Variants in WNT9A observed in about 807,000 individuals in gnomAD.
WNT9A encodes the protein protein Wnt-9a.
Under a neutral mutation model 31.4 loss-of-function variants are expected in WNT9A, and 8 were observed. The ratio of observed to expected loss-of-function variants is 0.26; its 90% confidence interval spans 0.15 to 0.46. WNT9A has a LOEUF of 0.46. Ranked by LOEUF, WNT9A falls within the 20% of genes least tolerant of loss-of-function variation. WNT9A has a pLI of 0.99. For synonymous variants in WNT9A, 236 were observed against 220.1 expected (o/e 1.07, Z -0.64); for missense variants, 457 against 522.9 (o/e 0.87, Z 1.23).
At chr1:227,935,202 C>T (rs1666573699) in intron 1 of WNT9A, among the ~76,000 whole-genome samples, 1 of 150,990 alleles carries the variant, frequency 6.6e-6, no homozygotes. Flanking sequence ...CTCAGGTTGC[C>T]AAGCAGACCC....
chr1:227,925,868 T>C lies in WNT9A; in HGVS notation c.96-349A>G, dbSNP rs1417346237. ...GCAAGAGGACAGCCCCGCCTAGGGC[T>C]GTGGGCAGGGAGGAGGCTCCGGAGC... On this transcript the variant is annotated intron_variant, in intron 1 of 3. Transcript: ENST00000272164. The surrounding 1 kb of genome is among the most constrained non-coding windows in gnomAD (Gnocchi z 6.0). 1.3e-5 allele frequency among the ~76,000 whole-genome samples: 2 copies of C among 152,062 alleles called. No homozygotes were observed. Among genetic ancestry groups the C allele is most frequent in the African/African-American group, 4.8e-5 (2 of 41,420 alleles).
Position 227,919,160 on chromosome 1 carries a change from C to T in WNT9A, c.*2358G>A, listed in dbSNP as rs1443266088. The T allele has an allele frequency of 6.6e-6, 1 of 152,258 alleles. No individual in the cohort carries two copies. Among genetic ancestry groups the T allele is most frequent in the African/African-American group, 2.4e-5 (1 of 41,474 alleles). 9.4% of individuals were successfully genotyped at this position (152,258 alleles called of 1,614,324 possible). ...ATTAAAAATAAAAACCTTCCTCTGA[C>T]TTGACGCCCTTCATAGACCCAATAG... On this transcript the variant is annotated 3_prime_UTR_variant, in exon 4 of 4. Coordinates refer to ENST00000272164, the MANE Select transcript of WNT9A (RefSeq NM_003395.4).
Position 227,925,253 on chromosome 1 carries a change from C to T in WNT9A, c.352+10G>A, listed in dbSNP as rs1224054139. On this transcript the variant is annotated intron_variant, in intron 2 of 3. Transcript: ENST00000272164. This position sits in a 1 kb window ranked among gnomAD's most constrained non-coding sequence, Gnocchi z 6.0. ...GGGGCCTTCCTGAGGGCCAGGCCGG[C>T]CACACTCACCTCGCTTGAGCAGGCT... 4 of 1,537,462 alleles carry T rather than the reference C, an allele frequency of 2.6e-6. No homozygotes were observed. The African/African-American group carries it at 4.1e-5, about 16-fold the overall frequency.
intron 1 of WNT9A, among the ~76,000 whole-genome samples, chr1:227,929,572 G>A (rs537155981): frequency 1.3e-5 from 2 of 152,184 alleles, no homozygotes; most frequent in African/African-American, 2.4e-5. Flanking sequence ...GATGGCTCAC[G>A]CATGTAAACC....
In WNT9A at chr1:227,921,449, A is replaced by G; in HGVS notation, c.*69T>C. ...TCGAGCCCAGGAACTCAGCCTGTGCAGGTGTAGACCCTTCACACCGTGTGC... is the reference window on the plus strand; with the variant it reads ...TCGAGCCCAGGAACTCAGCCTGTGCGGGTGTAGACCCTTCACACCGTGTGC... On this transcript the variant is annotated 3_prime_UTR_variant, in exon 4 of 4. Coordinates refer to ENST00000272164, the MANE Select transcript of WNT9A (RefSeq NM_003395.4). The G allele has an allele frequency of 6.5e-7, 1 of 1,540,896 alleles. No individual in the cohort carries two copies. The highest frequency in any genetic ancestry group is 8.8e-7 in the Non-Finnish European group (1 of 1,142,264).
rs1430017380 is a variant in WNT9A at position 227,926,048 on chromosome 1, T to C, written c.96-529A>G. 1.3e-5 allele frequency among the ~76,000 whole-genome samples: 2 copies of C among 152,056 alleles called. No homozygotes were observed. Among genetic ancestry groups the C allele is most frequent in the East Asian group, 3.9e-4 (2 of 5,166 alleles). On this transcript the variant is annotated intron_variant, in intron 1 of 3. Transcript: ENST00000272164. The surrounding 1 kb of genome is among the most constrained non-coding windows in gnomAD (Gnocchi z 5.0). ...GTGGCCCCCTGCAGCTTCCCAGCAC[T>C]CCTGCAGTCTACGCATATGTCCCCA...
At chr1:227,927,368 G>A (rs535958345) in intron 1 of WNT9A, among the ~76,000 whole-genome samples, 10 of 152,318 alleles carry the variant, frequency 6.6e-5, no homozygotes, top group African/African-American at 2.4e-4. Context: ...TGGGCCCCAT[G>A]GGGAGGACAG....
Position 227,921,264 on chromosome 1 carries a change from G to A in WNT9A, c.*254C>T, listed in dbSNP as rs552463586. 5.6e-6 allele frequency: 3 copies of A among 538,338 alleles called. No homozygotes were observed. In the South Asian group the frequency reaches 8.2e-5, roughly 15 times the overall value. 33.3% of individuals were successfully genotyped at this position (538,338 alleles called of 1,614,324 possible). A position where few individuals can be genotyped will look rare whatever the true frequency, so the allele number is the denominator to read the frequency against. On this transcript the variant is annotated 3_prime_UTR_variant, in exon 4 of 4. Transcript: ENST00000272164. ...CAGGGATTCAGCCTTGGCAGGTGTA[G>A]GCCCATTCATGCTCTGTGCAATGCC...
intron 1 of WNT9A, among the ~76,000 whole-genome samples, chr1:227,938,568 C>T (rs764558370): frequency 1.7e-4 from 26 of 152,132 alleles, no homozygotes; most frequent in African/African-American, 5.3e-4. Flanking sequence ...TAGAGATGCA[C>T]GCATACGCAC....
At position 227,925,624 on chromosome 1, in the gene WNT9A, G is replaced by C. The variant is rs916569317; in HGVS notation, c.96-105C>G. Reference sequence around the variant, plus strand: ...ACAGGGGACAGGCGTGTCCATCCGGGGGTGAGGGGGCAGAAAGAATCCAGG... The same window carrying C: ...ACAGGGGACAGGCGTGTCCATCCGGCGGTGAGGGGGCAGAAAGAATCCAGG... On this transcript the variant is annotated intron_variant, in intron 1 of 3. Coordinates refer to ENST00000272164, the MANE Select transcript of WNT9A (RefSeq NM_003395.4). The surrounding 1 kb of genome is among the most constrained non-coding windows in gnomAD (Gnocchi z 6.0). The C allele has an allele frequency of 6.4e-6, 9 of 1,412,636 alleles. No homozygotes were observed. In the African/African-American group the frequency reaches 1.2e-4, roughly 18 times the overall value. 87.5% of individuals were successfully genotyped at this position (1,412,636 alleles called of 1,614,324 possible).
intron 1 of WNT9A, among the ~76,000 whole-genome samples, chr1:227,927,702 A>G (rs1666442526): frequency 6.6e-6 from 1 of 152,096 alleles, no homozygotes. Context: ...GGAACGCCAC[A>G]GCTGTGACCA....
rs1258242966 is a variant in WNT9A at position 227,925,824 on chromosome 1, C to T, written c.96-305G>A. On this transcript the variant is annotated intron_variant, in intron 1 of 3. Transcript: ENST00000272164. The surrounding 1 kb of genome is among the most constrained non-coding windows in gnomAD (Gnocchi z 6.0). ...GGCTGCACTGGACAGATAAGACCCC[C>T]ACAACACACACAACATACGCAAGAG... Among the ~76,000 whole-genome samples the T allele has an allele frequency of 6.6e-6, 1 of 152,128 alleles. No homozygotes were observed. Among genetic ancestry groups the T allele is most frequent in the African/African-American group, 2.4e-5 (1 of 41,430 alleles).
chr1:227,939,445 G>A (rs1166812607), intron 1 of WNT9A, among the ~76,000 whole-genome samples: 1 of 152,152 alleles, frequency 6.6e-6, no homozygotes, highest in Non-Finnish European at 1.5e-5. Flanking sequence ...TTGGGGATTG[G>A]GCCACCCTGG....
rs1481537011 is a variant in WNT9A, at chr1:227,947,839, G to A, written c.49C>T (p.Leu17=). 84 of 1,090,120 alleles carry A rather than the reference G, an allele frequency of 7.7e-5. No homozygotes were observed. The highest frequency in any genetic ancestry group is 8.7e-5 in the Non-Finnish European group (78 of 898,496). 67.5% of individuals were successfully genotyped at this position (1,090,120 alleles called of 1,614,324 possible). Residue 17 remains leucine, a synonymous_variant, in exon 1 of 4, where the codon CTG becomes TTG. Coordinates refer to ENST00000272164, the MANE Select transcript of WNT9A (RefSeq NM_003395.4). ...CGCAGCGCGGCGAGCAGCAGCGTCA[G>A]CCCGAAGGCCGCGGCCAGCCAGCGC... ...LARWLAAAFG[L]TLLLAALRPS...
intron 1 of WNT9A, among the ~76,000 whole-genome samples, chr1:227,937,980 C>G (rs983674300): frequency 1.3e-5 from 2 of 152,196 alleles, no homozygotes; most frequent in Non-Finnish European, 2.9e-5. Flanking sequence ...TCAGCGCACA[C>G]GTGGTGGCTG....
Position 227,924,435 on chromosome 1 carries a change from C to A in WNT9A, c.353-35G>T, listed in dbSNP as rs1175709181. 4.4e-6 allele frequency: 7 copies of A among 1,592,150 alleles called. No individual in the cohort carries two copies. In the South Asian group the frequency reaches 4.5e-5, roughly 10 times the overall value. On this transcript the variant is annotated intron_variant, in intron 2 of 3. Coordinates refer to ENST00000272164, the MANE Select transcript of WNT9A (RefSeq NM_003395.4). ...GCAAGGGCCGATCAGTGAGCCCAGG[C>A]TGCCCAGAGTTCCCCCTTCACTGTC...
Position 227,925,156 on chromosome 1 carries a change from C to T in WNT9A, c.352+107G>A, listed in dbSNP as rs1666394445. 7.8e-6 allele frequency: 11 copies of T among 1,409,360 alleles called. No individual in the cohort carries two copies. The South Asian group carries it at 1.7e-4, about 21-fold the overall frequency. The allele number at this position is 1,409,360 out of a possible 1,614,324, so 87.3% of individuals were successfully genotyped here. A position where few individuals can be genotyped will look rare whatever the true frequency, so the allele number is the denominator to read the frequency against. On this transcript the variant is annotated intron_variant, in intron 2 of 3. Coordinates refer to ENST00000272164, the MANE Select transcript of WNT9A (RefSeq NM_003395.4). This position sits in a 1 kb window ranked among gnomAD's most constrained non-coding sequence, Gnocchi z 6.0. Reference sequence around the variant, plus strand: ...CCCAGGAGCTCTGGGCAGGCTGGGCCCGGCGTCCCCAGGAGCGCAGCCTAA... The same window carrying T: ...CCCAGGAGCTCTGGGCAGGCTGGGCTCGGCGTCCCCAGGAGCGCAGCCTAA...
At chr1:227,939,509 T>C (rs1666656350) in intron 1 of WNT9A, among the ~76,000 whole-genome samples, 1 of 152,118 alleles carries the variant, frequency 6.6e-6, no homozygotes, top group African/African-American at 2.4e-5. Context: ...AAACGGGCCT[T>C]GTCCCCAGAG....
chr1:227,921,139 G>C lies in WNT9A; in HGVS notation c.*379C>G. ...ACCATGTGCAATGCCTGCACTCTGA[G>C]CAGCAGGGCTGACTGGGCCCAGGGC... On this transcript the variant is annotated 3_prime_UTR_variant, in exon 4 of 4. Transcript: ENST00000272164. 4.0e-6 allele frequency: 1 copy of C among 248,736 alleles called. No homozygotes were observed. Among genetic ancestry groups the C allele is most frequent in the South Asian group, 8.1e-5 (1 of 12,336 alleles). The allele number at this position is 248,736 out of a possible 1,614,324, so 15.4% of individuals were successfully genotyped here.
Sources: gnomAD v4.1 joint callset for allele counts (sites outside exome capture counted in the v4.1 genomes callset) on GRCh38, gnomAD v4.1.1 for gene constraint, Gnocchi (gnomAD v3.1) non-coding constraint, MANE v1.5 for transcripts, NCBI Gene and HGNC (gene_info 2026-07-23, HGNC 2026-07-21) for gene names.